Variants in ATP6V1C2 observed in about 807,000 individuals in gnomAD.
ATP6V1C2 encodes V-type proton ATPase subunit C 2.
Under a neutral mutation model 56.8 loss-of-function variants are expected in ATP6V1C2, and 45 were observed. The ratio of observed to expected loss-of-function variants is 0.79; its 90% CI spans 0.62 to 1.02. The LOEUF is 1.02. Among genes scored for constraint, ATP6V1C2 ranks in the 50% least tolerant of loss-of-function variants. ATP6V1C2 has a pLI of 0.00. For missense variants in ATP6V1C2, 463 were observed against 519.7 expected (o/e 0.89, Z 1.06); for synonymous variants, 220 against 201.3 (o/e 1.09, Z -0.79).
At chr2:10,752,714 G>C (rs973910053) in intron 3 of ATP6V1C2, among the ~76,000 whole-genome samples, 2 of 152,160 alleles carry the variant, frequency 1.3e-5, no homozygotes, top group African/African-American at 4.8e-5. Context: ...AGCTAAAATC[G>C]GCAGGGTGCG....
intron 6 of ATP6V1C2, among the ~76,000 whole-genome samples, chr2:10,769,727 CAG>C (rs1457782338): frequency 3.3e-5 from 5 of 151,634 alleles, no homozygotes; most frequent in Admixed American, 1.3e-4. Context: ...ACAAAAAAAA[CAG>C]GGAGAGAGAG....
chr2:10,734,671 C>T (rs937112956), intron 3 of ATP6V1C2, among the ~76,000 whole-genome samples: 1 of 152,104 alleles, frequency 6.6e-6, no homozygotes, highest in Non-Finnish European at 1.5e-5. Context: ...ATCAACTTGC[C>T]ATTAATGGTC....
chr2:10,771,218 G>A (rs1344742422), intron 6 of ATP6V1C2, among the ~76,000 whole-genome samples: 1 of 152,216 alleles, frequency 6.6e-6, no homozygotes, highest in East Asian at 1.9e-4. Context: ...GTGTGCCGAC[G>A]TCACGGCCCC....
chr2:10,775,205 CTGTT>C, intron 10 of ATP6V1C2, 134 bp downstream of exon 10: 1 of 716,700 alleles, frequency 1.4e-6, no homozygotes, highest in Non-Finnish European at 2.4e-6. Flanking sequence ...TGGGGACCGT[CTGTT>C]CTCATGGGAC....
Position 10,777,610 on chromosome 2 carries a change from A to G in ATP6V1C2, c.851A>G (p.Lys284Arg). The G allele has an allele frequency of 2.5e-6, 4 of 1,613,848 alleles. No individual in the cohort carries two copies. Among genetic ancestry groups the G allele is most frequent in the African/African-American group, 1.3e-5 (1 of 75,030 alleles). Reference sequence around the variant, plus strand: ...CAAACTTCCTGTGTTGCTCTTAAAAAGGGATCATCCACCTTCCCGGACCAC... The same window carrying G: ...CAAACTTCCTGTGTTGCTCTTAAAAGGGGATCATCCACCTTCCCGGACCAC... ...QYQTSCVALK[K>R]GSSTFPDHKV... is the part of the protein sequence containing the mutation. Residue 284 changes from lysine to arginine, a missense_variant, in exon 11 of 14, where the codon AAG becomes AGG. Lys to Arg is a conservative substitution (Grantham distance 26). Coordinates refer to ENST00000272238, the MANE Select transcript of ATP6V1C2 (RefSeq NM_001039362.2).
Position 10,778,642 on chromosome 2 carries a change from T to C in ATP6V1C2, c.1034T>C (p.Leu345Pro). 6.2e-7 allele frequency: 1 copy of C among 1,614,146 alleles called. No homozygotes were observed. The highest frequency in any genetic ancestry group is 1.1e-5 in the South Asian group (1 of 91,090). Residue 345 changes from leucine to proline, a missense_variant, in exon 12 of 14, where the codon CTG (leucine) becomes CCG (proline). Transcript: ENST00000272238. Reference protein sequence around the residue: ...AFIAWIHIKALRVFVESVLRY... With the variant: ...AFIAWIHIKAPRVFVESVLRY... Reference sequence around the variant, plus strand: ...ATTGCCTGGATCCACATCAAGGCCCTGAGAGTGTTTGTGGAGTCCGTGCTC... The same window carrying C: ...ATTGCCTGGATCCACATCAAGGCCCCGAGAGTGTTTGTGGAGTCCGTGCTC...
chr2:10,751,426 A>C (rs1663206222), intron 3 of ATP6V1C2, among the ~76,000 whole-genome samples: 2 of 152,172 alleles, frequency 1.3e-5, no homozygotes. Context: ...TACAGCTGAA[A>C]ACTGTAAAAA....
chr2:10,775,132 C>A, intron 10 of ATP6V1C2, 61 bp downstream of exon 10: 2 of 1,259,014 alleles, frequency 1.6e-6, no homozygotes, highest in Non-Finnish European at 2.3e-6. Flanking sequence ...ATAGAAGAGT[C>A]CTCCCAGGTC....
Position 10,784,984 on chromosome 2 carries a change from C to T in ATP6V1C2, c.*1721C>T. 1 of 1,590,872 alleles carries T rather than the reference C, an allele frequency of 6.3e-7. No individual in the cohort carries two copies. The highest frequency in any genetic ancestry group is 8.6e-7 in the Non-Finnish European group (1 of 1,167,364). On this transcript the variant is annotated 3_prime_UTR_variant, in exon 14 of 14. Coordinates refer to ENST00000272238, the MANE Select transcript of ATP6V1C2 (RefSeq NM_001039362.2). ...TCTCTCTCAACGATGGTAGGGAAAG[C>T]CCCGCCTCCTACAGGTGCCGTGGAG...
At chr2:10,759,661 G>A (rs1160413462) in intron 4 of ATP6V1C2, among the ~76,000 whole-genome samples, 2 of 152,110 alleles carry the variant, frequency 1.3e-5, no homozygotes, top group South Asian at 2.1e-4. Context: ...GCAGCAGAGG[G>A]CAAGCTGTGG....
chr2:10,772,580 T>C lies in ATP6V1C2; in HGVS notation c.608T>C (p.Leu203Pro), dbSNP rs1371062069. 6.2e-7 allele frequency: 1 copy of C among 1,614,130 alleles called. No homozygotes were observed. Among genetic ancestry groups the C allele is most frequent in the Non-Finnish European group, 8.5e-7 (1 of 1,179,998 alleles). Residue 203 changes from leucine to proline, a missense_variant, in exon 8 of 14, where the codon CTC becomes CCC. Physicochemically the swap from Leu to Pro is moderately conservative, Grantham distance 98. Coordinates refer to ENST00000272238, the MANE Select transcript of ATP6V1C2 (RefSeq NM_001039362.2). ...CAATGGCAAAAAACCTACGAATCTC[T>C]CTCAGACATGGTGGTCCCTCGATCA... ...YSQWQKTYESLSDMVVPRSTK... is the reference protein window; with the variant it reads ...YSQWQKTYESPSDMVVPRSTK...
At chr2:10,781,624 C>T (rs559708585) in intron 12 of ATP6V1C2, among the ~76,000 whole-genome samples, 78 of 152,250 alleles carry the variant, frequency 5.1e-4, no homozygotes, top group Middle Eastern at 3.4e-3. Flanking sequence ...CTGGGGATCC[C>T]GAGGGAACAT....
rs185408613 is a variant in ATP6V1C2, at chr2:10,770,363, A to C, written c.471-1476A>C. On this transcript the variant is annotated intron_variant, in intron 6 of 13. Transcript: ENST00000272238. Reference sequence around the variant, plus strand: ...CAGTGAGCCGAGATCACGCCACTGCACTCCAGCCTGGGCAACAAGAGTGAA... The same window carrying C: ...CAGTGAGCCGAGATCACGCCACTGCCCTCCAGCCTGGGCAACAAGAGTGAA... 2.2e-3 allele frequency among the ~76,000 whole-genome samples: 328 copies of C among 152,322 alleles called. 5 individuals carry two copies. The highest frequency in any genetic ancestry group is 5.6e-3 in the Admixed American group (85 of 15,300).
intron 2 of ATP6V1C2, 77 bp downstream of exon 2, chr2:10,723,055 C>A: frequency 6.4e-7 from 1 of 1,553,802 alleles, no homozygotes; most frequent in African/African-American, 1.4e-5. Flanking sequence ...GTTGCTACCT[C>A]AGGAAGCCAA....
chr2:10,773,811 G>A (rs1664783564), intron 8 of ATP6V1C2, among the ~76,000 whole-genome samples: 1 of 152,244 alleles, frequency 6.6e-6, no homozygotes, highest in African/African-American at 2.4e-5. Flanking sequence ...CCGGTGCAAG[G>A]CCTCTGCCCT....
At chr2:10,742,068 C>T (rs1662583352) in intron 3 of ATP6V1C2, among the ~76,000 whole-genome samples, 1 of 152,138 alleles carries the variant, frequency 6.6e-6, no homozygotes, top group South Asian at 2.1e-4. Context: ...CACCACCACA[C>T]CCAGCTAATT....
At chr2:10,768,927 G>A (rs760730338) in intron 6 of ATP6V1C2, 117 bp downstream of exon 6, 37 of 802,684 alleles carry the variant, frequency 4.6e-5, no homozygotes, top group Middle Eastern at 3.6e-4. Flanking sequence ...GAGTGAGACA[G>A]ACAGACAGGT....
chr2:10,772,693 C>A, intron 8 of ATP6V1C2, 83 bp downstream of exon 8: 1 of 1,257,946 alleles, frequency 7.9e-7, no homozygotes, highest in South Asian at 1.2e-5. Flanking sequence ...AAACATGCCC[C>A]GAGGGTGTGA....
intron 3 of ATP6V1C2, among the ~76,000 whole-genome samples, chr2:10,734,748 G>A (rs367651861): frequency 4.6e-5 from 7 of 152,254 alleles, no homozygotes; most frequent in East Asian, 3.9e-4. Flanking sequence ...CTTCCAGCTC[G>A]GAGTCATCGG....
Sources: gnomAD v4.1 joint callset for allele counts (sites outside exome capture counted in the v4.1 genomes callset) on GRCh38, gnomAD v4.1.1 for gene constraint, MANE v1.5 for transcripts, NCBI Gene and HGNC (gene_info 2026-07-23, HGNC 2026-07-21) for gene names.